CCDC171: variants seen among roughly 807,000 people sequenced by gnomAD.
CCDC171 encodes coiled-coil domain-containing protein 171.
CCDC171 carries 177 observed loss-of-function variants against 168.2 expected under a neutral mutation model. The ratio of observed to expected loss-of-function variants is 1.05; its 90% confidence interval spans 0.93 to 1.19. The LOEUF (loss-of-function observed/expected upper bound fraction) is 1.19, where lower values mean the gene tolerates loss of function less well. CCDC171 is among the 50% of genes most tolerant of loss of function. The pLI is 0.00. For synonymous variants in CCDC171, 687 were observed against 540.8 expected (o/e 1.27, Z -3.75); for missense variants, 1,991 against 1,539.0 (o/e 1.29, Z -4.91).
At chr9:15,646,884 C>T (rs541611559) in intron 7 of CCDC171, among the ~76,000 whole-genome samples, 1 of 152,212 alleles carries the variant, frequency 6.6e-6, no homozygotes, top group Non-Finnish European at 1.5e-5. Context: ...TTGAACTCAG[C>T]TCTGCACCAA....
At chr9:15,910,218 A>G (rs1823419164) in intron 24 of CCDC171, among the ~76,000 whole-genome samples, 1 of 151,910 alleles carries the variant, frequency 6.6e-6, no homozygotes, top group Non-Finnish European at 1.5e-5. Flanking sequence ...TTCTTTATCC[A>G]ATCATCTGTT....
intron 6 of CCDC171, among the ~76,000 whole-genome samples, chr9:15,619,109 C>G (rs1444502384): frequency 6.6e-6 from 1 of 152,114 alleles, no homozygotes; most frequent in Non-Finnish European, 1.5e-5. Context: ...TCTTCCAACT[C>G]TCCCTCTCGT....
chr9:15,894,663 C>T (rs374780225), intron 24 of CCDC171, among the ~76,000 whole-genome samples: 1 of 151,990 alleles, frequency 6.6e-6, no homozygotes, highest in Non-Finnish European at 1.5e-5. Flanking sequence ...TGCACATAGG[C>T]CCATTTTAGA....
intron 18 of CCDC171, among the ~76,000 whole-genome samples, chr9:15,751,225 A>T (rs1293873941): frequency 1.3e-5 from 2 of 152,166 alleles, no homozygotes; most frequent in South Asian, 2.1e-4. Flanking sequence ...CTTACAAGGG[A>T]TGTGAAGGAC....
intron 21 of CCDC171, among the ~76,000 whole-genome samples, chr9:15,796,252 C>G (rs1454532958): frequency 4.0e-5 from 6 of 151,238 alleles, no homozygotes; most frequent in Admixed American, 1.3e-4. Flanking sequence ...AGTATATTAG[C>G]AAATTGTAAG....
intron 1 of CCDC171, among the ~76,000 whole-genome samples, chr9:16,047,910 C>G (rs1833686741): frequency 6.6e-6 from 1 of 152,122 alleles, no homozygotes; most frequent in African/African-American, 2.4e-5. Context: ...CATGGAAGAG[C>G]TCTGCCTCTG....
intron 24 of CCDC171, among the ~76,000 whole-genome samples, chr9:15,878,588 A>G (rs1182261270): frequency 6.6e-6 from 1 of 152,150 alleles, no homozygotes; most frequent in African/African-American, 2.4e-5. Flanking sequence ...CAAAAAGCTG[A>G]AAACAGAACT....
At chr9:15,725,083 G>A in intron 14 of CCDC171, 107 bp downstream of exon 14, 1 of 795,190 alleles carries the variant, frequency 1.3e-6, no homozygotes. Context: ...ATTGTTCTGA[G>A]CAGAGTATTT....
intron 25 of CCDC171, among the ~76,000 whole-genome samples, chr9:15,945,902 A>G (rs1301427347): frequency 3.3e-5 from 5 of 149,884 alleles, no homozygotes; most frequent in South Asian, 2.2e-4. Flanking sequence ...CCATTTGTCA[A>G]TTTTGCCTTT....
intron 6 of CCDC171, among the ~76,000 whole-genome samples, chr9:15,602,322 G>A (rs2042914831): frequency 6.9e-6 from 1 of 144,780 alleles, no homozygotes; most frequent in Non-Finnish European, 1.6e-5. Context: ...ATAATTAGGT[G>A]TTAGTATCTC....
intron 21 of CCDC171, among the ~76,000 whole-genome samples, chr9:15,800,019 A>T (rs949686146): frequency 1.3e-5 from 2 of 152,088 alleles, no homozygotes; most frequent in African/African-American, 4.8e-5. Flanking sequence ...TTATCTGTTG[A>T]TGGCCACTTA....
intron 19 of CCDC171, among the ~76,000 whole-genome samples, chr9:15,778,420 C>T (rs1293798207): frequency 6.7e-6 from 1 of 148,244 alleles, no homozygotes; most frequent in Admixed American, 6.8e-5. Flanking sequence ...AGGTGGATCA[C>T]CTGAGGTCAG....
chr9:15,742,340 G>C (rs1257027584), intron 16 of CCDC171, among the ~76,000 whole-genome samples: 1 of 152,190 alleles, frequency 6.6e-6, no homozygotes, highest in African/African-American at 2.4e-5. Flanking sequence ...TCTGTTATCT[G>C]TGTACTTTTC....
chr9:15,808,066 G>A (rs1488803448), intron 21 of CCDC171, among the ~76,000 whole-genome samples: 3 of 151,980 alleles, frequency 2.0e-5, no homozygotes, highest in Admixed American at 2.0e-4. Context: ...ATCATGTCCA[G>A]AAGTGAAAGT....
chr9:15,583,204 CAA>C (rs2041271297), intron 4 of CCDC171, among the ~76,000 whole-genome samples: 1 of 151,932 alleles, frequency 6.6e-6, no homozygotes, highest in Non-Finnish European at 1.5e-5. Context: ...ATCACCAGGT[CAA>C]GAGATTGAGA....
At chr9:15,595,420 T>C (rs569215082) in intron 6 of CCDC171, among the ~76,000 whole-genome samples, 1 of 152,328 alleles carries the variant, frequency 6.6e-6, no homozygotes, top group South Asian at 2.1e-4. Flanking sequence ...CTCCTTGCGA[T>C]AGTTTGCTGA....
At chr9:15,571,438 A>G (rs1024420510) in intron 2 of CCDC171, among the ~76,000 whole-genome samples, 186 bp from the exon 3 acceptor site, 3 of 152,122 alleles carry the variant, frequency 2.0e-5, no homozygotes, top group Non-Finnish European at 4.4e-5. Context: ...ATCTATATAT[A>G]TATACTACTT....
At chr9:15,926,146 G>A (rs1825866201) in intron 25 of CCDC171, among the ~76,000 whole-genome samples, 1 of 151,778 alleles carries the variant, frequency 6.6e-6, no homozygotes, top group Non-Finnish European at 1.5e-5. Context: ...GATAATGTAT[G>A]TGTAGGAGTC....
intron 10 of CCDC171, 62 bp from the exon 11 acceptor site, chr9:15,695,173 A>G (rs1391490220): frequency 9.7e-7 from 1 of 1,032,134 alleles, no homozygotes; most frequent in African/African-American, 1.6e-5. Flanking sequence ...ATATGTTCAC[A>G]CTAAAAATAT....
Sources: allele counts gnomAD v4.1 joint callset (sites outside exome capture counted in the v4.1 genomes callset), GRCh38; gene constraint gnomAD v4.1.1; transcripts MANE v1.5; gene names NCBI Gene and HGNC (gene_info 2026-07-23, HGNC 2026-07-21).